CAPZB: variants seen among roughly 807,000 people sequenced by gnomAD.
CAPZB encodes capping actin protein of muscle Z-line subunit beta, also known as F-actin-capping protein subunit beta.
CAPZB carries 2 observed loss-of-function variants against 38.1 expected under a neutral mutation model. The observed-to-expected ratio is 0.05, with a 90% CI of 0.02 to 0.17. The LOEUF (loss-of-function observed/expected upper bound fraction) is 0.17, where lower values mean the gene tolerates loss of function less well. Ranked by LOEUF, CAPZB falls within the 10% of genes least tolerant of loss-of-function variation. The pLI is 1.00. For missense variants in CAPZB, 161 were observed against 334.2 expected (o/e 0.48, Z 4.04); for synonymous variants, 107 against 127.4 (o/e 0.84, Z 1.08).
intron 1 of CAPZB, among the ~76,000 whole-genome samples, chr1:19,480,198 G>T (rs10917459): frequency 0.83 from 125,685 of 152,080 alleles, 55,167 homozygotes; most frequent in Non-Finnish European, 0.97. Flanking sequence ...CAGATTAGAG[G>T]ACAGGGATGA....
intron 6 of CAPZB, among the ~76,000 whole-genome samples, chr1:19,350,256 G>A (rs1012723319): frequency 6.6e-6 from 1 of 152,410 alleles, no homozygotes; most frequent in Non-Finnish European, 1.5e-5. Flanking sequence ...CTCCTGTGCT[G>A]CAGCCCGAGA....
At chr1:19,451,704 C>T (rs1171277961) in intron 1 of CAPZB, among the ~76,000 whole-genome samples, 2 of 151,716 alleles carry the variant, frequency 1.3e-5, no homozygotes, top group Non-Finnish European at 2.9e-5. Flanking sequence ...GATCACTTTC[C>T]ACATGGACAG....
chr1:19,361,220 C>T (rs901299724), intron 4 of CAPZB, among the ~76,000 whole-genome samples: 27 of 152,208 alleles, frequency 1.8e-4, no homozygotes, highest in African/African-American at 5.3e-4. Context: ...GAGTTAGAGG[C>T]GGCGTGGTCA....
chr1:19,357,438 T>C lies in CAPZB; in HGVS notation c.455A>G (p.His152Arg). 1 of 1,614,006 alleles carries C rather than the reference T, an allele frequency of 6.2e-7. No individual in the cohort carries two copies. ...AGGCAGTACCTGCACTTCTACCACG[T>C]GGATGGAATCCCAGCAGCCTTTGAT... ...KKIKGCWDSIHVVEVQEKSSG... is the reference protein window; with the variant it reads ...KKIKGCWDSIRVVEVQEKSSG... Residue 152 changes from histidine (H) to arginine (R), a missense_variant, in exon 5 of 9, where the codon CAC becomes CGC. His to Arg is a conservative substitution (Grantham distance 29, BLOSUM62 0). Coordinates refer to ENST00000264202, the MANE Select transcript of CAPZB (RefSeq NM_004930.5). This position sits in a 1 kb window ranked among gnomAD's most constrained non-coding sequence, Gnocchi z 4.3.
intron 1 of CAPZB, among the ~76,000 whole-genome samples, chr1:19,450,144 C>A (rs11590834): frequency 0.04 from 1,409 of 34,948 alleles, 31 homozygotes; most frequent in Non-Finnish European, 0.061. Flanking sequence ...ACCCTGTCTC[C>A]AAAAAAAAAA....
chr1:19,480,785 T>C (rs541030624), intron 1 of CAPZB, among the ~76,000 whole-genome samples: 4 of 152,296 alleles, frequency 2.6e-5, no homozygotes, highest in Non-Finnish European at 5.9e-5. Flanking sequence ...CAGGCTCTAT[T>C]AGGTAAGTTG....
At chr1:19,360,214 A>G (rs1275362946) in intron 4 of CAPZB, among the ~76,000 whole-genome samples, 1 of 152,208 alleles carries the variant, frequency 6.6e-6, no homozygotes, top group Non-Finnish European at 1.5e-5. Context: ...AGAGCAACTC[A>G]TAACAGACCT....
At chr1:19,442,933 G>C (rs9651017) in intron 1 of CAPZB, among the ~76,000 whole-genome samples, 2 of 151,784 alleles carry the variant, frequency 1.3e-5, no homozygotes, top group African/African-American at 4.8e-5. Context: ...GGTGCTGAAG[G>C]AGGCCTTCGC....
At chr1:19,439,218 A>G (rs1188077750) in intron 1 of CAPZB, among the ~76,000 whole-genome samples, 3 of 152,188 alleles carry the variant, frequency 2.0e-5, no homozygotes, top group Non-Finnish European at 4.4e-5. Context: ...CAGAAAGGTG[A>G]GATAAAGCAC....
Position 19,378,540 on chromosome 1 carries a change from A to C in CAPZB, c.329T>G (p.Leu110Arg). 6.4e-7 allele frequency: 1 copy of C among 1,562,848 alleles called. No homozygotes were observed. Among genetic ancestry groups the C allele is most frequent in the Non-Finnish European group, 8.8e-7 (1 of 1,133,030 alleles). Residue 110 changes from leucine (L) to arginine (R), a missense_variant and splice_region_variant, in exon 4 of 9, where the codon CTG (leucine) becomes CGG (arginine). By Grantham distance (102) the Leu-to-Arg change is moderately radical. Coordinates refer to ENST00000264202, the MANE Select transcript of CAPZB (RefSeq NM_004930.5). Reference protein sequence around the residue: ...ANNAFDQYRDLYFEGGVSSVY... With the variant: ...ANNAFDQYRDRYFEGGVSSVY... ...AGTGCAACAGGAGAAAATGACTCAC[A>C]GGTCTCGATACTGGTCAAAGGCATT...
chr1:19,342,068 C>G (rs1044845580), intron 8 of CAPZB, among the ~76,000 whole-genome samples: 2 of 152,256 alleles, frequency 1.3e-5, no homozygotes, highest in African/African-American at 4.8e-5. Flanking sequence ...TTGGCCATTA[C>G]CAACAAGCAA....
At chr1:19,471,068 AC>A (rs2094585344) in intron 1 of CAPZB, among the ~76,000 whole-genome samples, 1 of 152,176 alleles carries the variant, frequency 6.6e-6, no homozygotes, top group Non-Finnish European at 1.5e-5. Flanking sequence ...GTTTTTTCCT[AC>A]ACATGCATAC....
intron 6 of CAPZB, among the ~76,000 whole-genome samples, chr1:19,351,162 T>G (rs1353650313): frequency 6.6e-6 from 1 of 151,794 alleles, no homozygotes; most frequent in Non-Finnish European, 1.5e-5. Context: ...TTTGTATTTT[T>G]AGTACAGATG....
At chr1:19,361,566 A>G (rs1405189815) in intron 4 of CAPZB, among the ~76,000 whole-genome samples, 2 of 152,270 alleles carry the variant, frequency 1.3e-5, no homozygotes, top group Non-Finnish European at 2.9e-5. Flanking sequence ...CGCCCCCGCT[A>G]CATGGTTTAT....
intron 1 of CAPZB, among the ~76,000 whole-genome samples, chr1:19,478,037 A>T (rs1176918226): frequency 6.6e-6 from 1 of 152,254 alleles, no homozygotes; most frequent in East Asian, 1.9e-4. Context: ...TAGAAGAGGA[A>T]GCTGCACAGA....
At chr1:19,380,473 G>A (rs2094168204) in intron 3 of CAPZB, among the ~76,000 whole-genome samples, 1 of 152,230 alleles carries the variant, frequency 6.6e-6, no homozygotes. Context: ...GACCCCAGAT[G>A]GCTGGGAAGA....
At chr1:19,473,723 G>A (rs1184349563) in intron 1 of CAPZB, among the ~76,000 whole-genome samples, 1 of 152,178 alleles carries the variant, frequency 6.6e-6, no homozygotes, top group Non-Finnish European at 1.5e-5. Context: ...AATCAGCCGG[G>A]CATAGTGGCA....
At chr1:19,461,844 A>G (rs1161900206) in intron 1 of CAPZB, among the ~76,000 whole-genome samples, 1 of 152,318 alleles carries the variant, frequency 6.6e-6, no homozygotes, top group African/African-American at 2.4e-5. Context: ...TAAAACTAGG[A>G]TAATAACACC....
At chr1:19,369,334 G>A (rs575310797) in intron 4 of CAPZB, among the ~76,000 whole-genome samples, 32 of 152,342 alleles carry the variant, frequency 2.1e-4, no homozygotes, top group African/African-American at 6.7e-4. Flanking sequence ...AACGCACTGC[G>A]AGAGCAGGAA....
Sources: gnomAD v4.1 joint callset for allele counts (sites outside exome capture counted in the v4.1 genomes callset) on GRCh38, gnomAD v4.1.1 for gene constraint, Gnocchi (gnomAD v3.1) non-coding constraint, MANE v1.5 for transcripts, NCBI Gene and HGNC (gene_info 2026-07-23, HGNC 2026-07-21) for gene names.